Variants in BRCA1 observed in about 807,000 individuals in gnomAD.
BRCA1 encodes BRCA1 DNA repair associated, also known as breast cancer type 1 susceptibility protein.
A neutral mutation model predicts 173.7 loss-of-function variants in BRCA1; 140 were observed. The observed-to-expected ratio is 0.81, with a 90% confidence interval of 0.70 to 0.93. BRCA1 has a LOEUF of 0.93. Among genes scored for constraint, BRCA1 ranks in the 40% least tolerant of loss-of-function variants. The probability of loss-of-function intolerance (pLI) is 0.00; values close to 1 mark genes in which losing one functional copy is unlikely to be tolerated. For synonymous variants in BRCA1, 662 were observed against 756.0 expected (o/e 0.88, Z 2.04); for missense variants, 1,983 against 2,172.5 (o/e 0.91, Z 1.73).
intron 1 of BRCA1, chr17:43,167,135 G>C (rs944403382): frequency 6.6e-6 from 1 of 152,294 alleles, no homozygotes; most frequent in Non-Finnish European, 1.5e-5. Flanking sequence ...GTGTTGCTCG[G>C]GCTGGTTGGA....
intron 1 of BRCA1, among the ~76,000 whole-genome samples, chr17:43,158,013 AT>A (rs1254149561): frequency 8.1e-4 from 123 of 151,902 alleles, no homozygotes; most frequent in African/African-American, 2.5e-3. Context: ...AAAAAAAAAA[AT>A]ATTAATCTAA....
upstream of BRCA1, among the ~76,000 whole-genome samples, chr17:43,130,306 A>G (rs1339334650): frequency 1.3e-5 from 2 of 151,918 alleles, no homozygotes; most frequent in Admixed American, 6.6e-5. Flanking sequence ...GAGCCACCAC[A>G]CCGGGCCAAT....
intron 11 of BRCA1, among the ~76,000 whole-genome samples, chr17:43,090,129 T>C (rs2053391237): frequency 6.6e-6 from 1 of 151,808 alleles, no homozygotes; most frequent in Non-Finnish European, 1.5e-5. Context: ...GAGAACCCTA[T>C]AGTCTCCAAC....
rs1555595276 is a variant in BRCA1 at position 43,100,632 on chromosome 17, T to TA, written c.442-753_442-752insT. 8.6e-3 allele frequency among the ~76,000 whole-genome samples: 372 copies of TA among 43,126 alleles called. 16 individuals are homozygous for TA. The highest frequency in any genetic ancestry group is 0.021 in the East Asian group (36 of 1,746). The allele number at this position is 43,126 out of a possible 152,430, so 28.3% of individuals were successfully genotyped here. ...AACATATATATAACATATATATATGTTATATATATATAACATATATATAAC... is the reference window on the plus strand; with the variant it reads ...AACATATATATAACATATATATATGTATATATATATATAACATATATATAAC... On this transcript the variant is annotated intron_variant, in intron 6 of 22. Coordinates refer to ENST00000357654, the MANE Select transcript of BRCA1 (RefSeq NM_007294.4).
intron 2 of BRCA1, chr17:43,119,262 C>A: frequency 5.2e-6 from 1 of 193,832 alleles, no homozygotes; most frequent in Non-Finnish European, 9.7e-6. Flanking sequence ...GACAGAGAAT[C>A]CATCTCAAAA....
At chr17:43,148,978 C>G (rs1223917591) in intron 1 of BRCA1, among the ~76,000 whole-genome samples, 1 of 152,146 alleles carries the variant, frequency 6.6e-6, no homozygotes, top group African/African-American at 2.4e-5. Flanking sequence ...TTGCGGGGGA[C>G]TGGTTCTAGG....
chr17:43,086,755 C>T (rs192003724), intron 11 of BRCA1, among the ~76,000 whole-genome samples: 139 of 152,338 alleles, frequency 9.1e-4, no homozygotes, highest in African/African-American at 3.3e-3. Context: ...GGTATATTGA[C>T]AGAGTCCCAA....
chr17:43,118,493 C>T lies in BRCA1; in HGVS notation c.81-2714G>A, dbSNP rs1356485323. ...CTGAATTCAAGTGATTCTCCTGCCTCAGCCTCCCGAGTAGCTGGGACTAAA... is the reference window on the plus strand; with the variant it reads ...CTGAATTCAAGTGATTCTCCTGCCTTAGCCTCCCGAGTAGCTGGGACTAAA... On this transcript the variant is annotated intron_variant, in intron 2 of 22. Coordinates refer to ENST00000357654, the MANE Select transcript of BRCA1 (RefSeq NM_007294.4). 3.3e-5 allele frequency among the ~76,000 whole-genome samples: 5 copies of T among 152,128 alleles called. No individual in the cohort carries two copies. The South Asian group carries it at 6.2e-4, about 19-fold the overall frequency.
chr17:43,136,224 C>T (rs1429673889), intron 1 of BRCA1, among the ~76,000 whole-genome samples: 1 of 152,188 alleles, frequency 6.6e-6, no homozygotes, highest in East Asian at 1.9e-4. Flanking sequence ...GGAAAACTGG[C>T]TAGCCATATG....
chr17:43,068,676 CCTACA>C (rs2052257029), intron 15 of BRCA1, among the ~76,000 whole-genome samples: 1 of 152,098 alleles, frequency 6.6e-6, no homozygotes, highest in Admixed American at 6.6e-5. Flanking sequence ...AATTTATCAG[CCTACA>C]CTTTATAAGC....
intron 9 of BRCA1, 102 bp from the exon 10 acceptor site, chr17:43,094,962 A>G: frequency 9.2e-7 from 1 of 1,081,326 alleles, no homozygotes; most frequent in Non-Finnish European, 1.4e-6. Flanking sequence ...AACTGGCTAT[A>G]TTAGAGAAAC....
At chr17:43,137,458 G>A (rs1393673516) in intron 1 of BRCA1, among the ~76,000 whole-genome samples, 1 of 151,798 alleles carries the variant, frequency 6.6e-6, no homozygotes, top group East Asian at 1.9e-4. Flanking sequence ...AATAAAAGAG[G>A]TCCCTTTTTC....
At chr17:43,073,762 A>G (rs182629224) in intron 14 of BRCA1, among the ~76,000 whole-genome samples, 11 of 151,164 alleles carry the variant, frequency 7.3e-5, no homozygotes, top group Admixed American at 3.3e-4. Context: ...ATATATATAT[A>G]TATATTTTTT....
intron 4 of BRCA1, among the ~76,000 whole-genome samples, chr17:43,105,916 A>C (rs958951118): frequency 1.3e-5 from 2 of 152,086 alleles, no homozygotes; most frequent in African/African-American, 2.4e-5. Context: ...AGATCACCTG[A>C]GCTCAGGAGT....
chr17:43,120,529 G>A (rs773962435), intron 2 of BRCA1, among the ~76,000 whole-genome samples: 2 of 152,188 alleles, frequency 1.3e-5, no homozygotes, highest in Admixed American at 6.5e-5. Flanking sequence ...ACTTTGGGAG[G>A]CCGAGGTGGG....
chr17:43,131,710 G>C (rs887045953), intron 1 of BRCA1, among the ~76,000 whole-genome samples: 1 of 150,010 alleles, frequency 6.7e-6, no homozygotes, highest in Non-Finnish European at 1.5e-5. Flanking sequence ...GACAGAGCGA[G>C]ACTCCGTCTC....
intron 1 of BRCA1, among the ~76,000 whole-genome samples, chr17:43,153,144 G>A (rs763770296): frequency 4.6e-5 from 7 of 152,190 alleles, no homozygotes; most frequent in South Asian, 2.1e-4. Flanking sequence ...CAGGTCACTC[G>A]ACCTGTAGAG....
At chr17:43,091,205 A>C (rs577402357) in intron 10 of BRCA1, 173 bp from the exon 11 acceptor site, 27 of 860,658 alleles carry the variant, frequency 3.1e-5, no homozygotes, top group Middle Eastern at 3.2e-4. Context: ...AACCAGAAGT[A>C]AGTCCACCAG....
chr17:43,106,611 T>C, intron 3 of BRCA1, 78 bp from the exon 4 acceptor site: 3 of 1,114,856 alleles, frequency 2.7e-6, no homozygotes, highest in East Asian at 2.5e-5. Flanking sequence ...CAAATAGCCA[T>C]GAAAAGATAA....
Sources: gnomAD v4.1 joint callset for allele counts (sites outside exome capture counted in the v4.1 genomes callset) on GRCh38, gnomAD v4.1.1 for gene constraint, MANE v1.5 for transcripts, NCBI Gene and HGNC (gene_info 2026-07-23, HGNC 2026-07-21) for gene names.